The following C6 variants were observed in gnomAD, a reference collection of about 807,000 sequenced individuals.
C6 encodes the protein complement C6, also known as complement component C6.
Under a neutral mutation model 112.9 loss-of-function variants are expected in C6, and 101 were observed. That is an observed-to-expected ratio of 0.89 (90% CI 0.76 to 1.06). C6 has a LOEUF of 1.06. C6 is among the 50% of genes least tolerant of loss of function. The pLI is 0.00. For synonymous variants in C6, 431 were observed against 384.1 expected, an observed-to-expected ratio of 1.12 and a Z score of -1.43; for missense variants, 1,202 against 1,104.6, an observed-to-expected ratio of 1.09 and a Z score of -1.25.
intron 2 of C6, 98 bp downstream of exon 2, chr5:41,202,984 GATATAT>G: frequency 9.2e-7 from 1 of 1,089,250 alleles, no homozygotes; most frequent in South Asian, 1.3e-5. Flanking sequence ...TTCTTACTTT[GATATAT>G]ATATGTTCCC....
intron 8 of C6, among the ~76,000 whole-genome samples, chr5:41,175,668 A>G (rs1748781675): frequency 6.6e-6 from 1 of 152,202 alleles, no homozygotes; most frequent in Non-Finnish European, 1.5e-5. Flanking sequence ...CAAGTGGGAA[A>G]TTATTTTCTG....
rs914609259 is a variant in C6 at position 41,258,074 on chromosome 5, G to C, written c.-21+3120C>G. On this transcript the variant is annotated intron_variant, in intron 1 of 17. Coordinates refer to the C6 transcript ENST00000263413. ...ACAACAACAAAGAAAAAACCCACCA[G>C]GCATGGTCTTCACAAGCAAAAATTA... is the stretch of plus-strand genomic sequence containing the variant. 6.9e-4 allele frequency among the ~76,000 whole-genome samples: 105 copies of C among 151,778 alleles called. 1 individual carries two copies. The highest frequency in any genetic ancestry group is 2.6e-4 in the Non-Finnish European group (18 of 67,962).
intron 13 of C6, among the ~76,000 whole-genome samples, chr5:41,157,517 G>T (rs765420221): frequency 3.3e-5 from 5 of 152,138 alleles, no homozygotes; most frequent in African/African-American, 1.2e-4. Context: ...AGCCATAGAC[G>T]ATATGTAAAC....
At chr5:41,159,866 G>A (rs531816891) in intron 11 of C6, among the ~76,000 whole-genome samples, 34 of 151,994 alleles carry the variant, frequency 2.2e-4, no homozygotes, top group African/African-American at 6.0e-4. Flanking sequence ...ATATAAATAC[G>A]CATATAATAT....
chr5:41,203,220 C>G lies in C6; in HGVS notation c.11G>C (p.Arg4Pro), dbSNP rs146127832. 6.2e-7 allele frequency: 1 copy of G among 1,614,084 alleles called. No homozygotes were observed. The highest frequency in any genetic ancestry group is 1.1e-5 in the South Asian group (1 of 91,082). ...CAGCAGGATGAAGTACAAGACAGAG[C>G]GTCTGGCCATGCCTTGAGAGCCTCC... Reference protein sequence around the residue: MARRSVLYFILLNA... With the variant: MARPSVLYFILLNA... Residue 4 changes from arginine (R) to proline (P), a missense_variant, in exon 2 of 18, where the codon CGC becomes CCC. Coordinates refer to ENST00000337836, the MANE Select transcript of C6 (RefSeq NM_000065.5).
At chr5:41,216,416 C>T (rs919689562), upstream of C6, among the ~76,000 whole-genome samples, 1 of 152,084 alleles carries the variant, frequency 6.6e-6, no homozygotes, top group Non-Finnish European at 1.5e-5. Flanking sequence ...CTTCCTACAC[C>T]CATCTAGGAT....
intron 16 of C6, 51 bp downstream of exon 16, chr5:41,149,884 A>G: frequency 8.1e-7 from 1 of 1,241,106 alleles, no homozygotes; most frequent in South Asian, 1.2e-5. Flanking sequence ...AATTGGTTAC[A>G]CTAGACTGGT....
At position 41,142,706 on chromosome 5, in the gene C6, A is replaced by T. The variant is rs577817297; in HGVS notation, c.*119T>A. ...AATGATCTCAAACTAACAGAAAATA[A>T]TTTTTGTCAGTAACTTTGAGCATGC... On this transcript the variant is annotated 3_prime_UTR_variant, in exon 18 of 18. Coordinates refer to ENST00000337836, the MANE Select transcript of C6 (RefSeq NM_000065.5). 2 of 811,960 alleles carry T rather than the reference A, an allele frequency of 2.5e-6. No homozygotes were observed. Among genetic ancestry groups the T allele is most frequent in the East Asian group, 5.1e-5 (2 of 39,460 alleles). The allele number at this position is 811,960 out of a possible 1,614,324, so 50.3% of individuals were successfully genotyped here.
rs1342558303 is a variant in C6 at position 41,159,180 on chromosome 5, G to C, written c.1758C>G (p.Thr586=). The change falls in exon 12 of 18, where the codon ACC becomes ACG. Residue 586 remains threonine, a synonymous_variant. Transcript: ENST00000337836. ...GGGGGGCAGGATTATTGCATTCTCG[G>C]GTTCTCGATCTCTTATAAGTAGCAT... The part of the protein sequence containing the change: ...TCDATYKRSR[T]RECNNPAPQR... 5.0e-6 allele frequency: 8 copies of C among 1,613,378 alleles called. No individual in the cohort carries two copies. The Admixed American group carries it at 1.0e-4, about 20-fold the overall frequency.
chr5:41,160,419 G>A (rs1176415961), intron 10 of C6, 52 bp from the exon 11 acceptor site: 1 of 1,413,444 alleles, frequency 7.1e-7, no homozygotes, highest in South Asian at 1.2e-5. Flanking sequence ...TTGGTAATAG[G>A]TTGCCATTAC....
chr5:41,145,888 C>A (rs1258657796), intron 17 of C6, among the ~76,000 whole-genome samples: 1 of 152,150 alleles, frequency 6.6e-6, no homozygotes, highest in East Asian at 1.9e-4. Context: ...CTTAAATGTT[C>A]TTTGCTTAAT....
intron 9 of C6, among the ~76,000 whole-genome samples, chr5:41,166,640 TG>T (rs1235738985): frequency 6.6e-6 from 1 of 152,092 alleles, no homozygotes; most frequent in African/African-American, 2.4e-5. Context: ...ATTTGCATAC[TG>T]TGGAGGAAAT....
intron 15 of C6, among the ~76,000 whole-genome samples, chr5:41,150,834 C>A (rs1405026876): frequency 1.3e-5 from 2 of 150,718 alleles, no homozygotes; most frequent in East Asian, 2.0e-4. Flanking sequence ...TTGCAGTGAG[C>A]CGAGATTGTG....
intron 1 of C6, among the ~76,000 whole-genome samples, chr5:41,204,659 C>CTTTTTTTTTTT (rs56809256): frequency 1.5e-5 from 2 of 133,330 alleles, no homozygotes; most frequent in African/African-American, 2.9e-5. Flanking sequence ...AATCAGTAAG[C>CTTTTTTTTTTT]TTTTTTTTTT....
At chr5:41,235,076 TG>T (rs1382220250) in intron 1 of C6, among the ~76,000 whole-genome samples, 133 of 79,504 alleles carry the variant, frequency 1.7e-3, no homozygotes, top group African/African-American at 5.0e-3. Flanking sequence ...TTTTTTTTAA[TG>T]TTTTTTTTTT....
At chr5:41,213,694 T>A, upstream of C6, 7 of 204,308 alleles carry the variant, frequency 3.4e-5, no homozygotes, top group Non-Finnish European at 6.1e-5. Context: ...TAGTAGCTAT[T>A]GCTACTGCAT....
At chr5:41,186,029 A>T in intron 6 of C6, 41 bp downstream of exon 6, 2 of 1,612,982 alleles carry the variant, frequency 1.2e-6, no homozygotes, top group Non-Finnish European at 1.7e-6. Context: ...GCTTATAATC[A>T]CTGACGGTGT....
intron 5 of C6, among the ~76,000 whole-genome samples, chr5:41,190,524 C>G (rs1750112618): frequency 6.6e-6 from 1 of 152,094 alleles, no homozygotes; most frequent in Admixed American, 6.5e-5. Context: ...AGATGAATAG[C>G]TGGCACATAC....
At chr5:41,189,032 A>C (rs1440512266) in intron 5 of C6, among the ~76,000 whole-genome samples, 3 of 152,100 alleles carry the variant, frequency 2.0e-5, no homozygotes, top group African/African-American at 7.2e-5. Flanking sequence ...AAAAATGCTC[A>C]AAGTTATTAG....
Sources: allele counts gnomAD v4.1 joint callset (sites outside exome capture counted in the v4.1 genomes callset), GRCh38; gene constraint gnomAD v4.1.1; transcripts MANE v1.5; gene names NCBI Gene and HGNC (gene_info 2026-07-23, HGNC 2026-07-21).